The following MYH1 variants were observed in gnomAD, a reference collection of about 807,000 sequenced individuals.
MYH1 encodes myosin heavy chain 1.
In MYH1, 214 loss-of-function variants were observed where a neutral mutation model predicts 225.6. The ratio of observed to expected loss-of-function variants is 0.95; its 90% CI spans 0.85 to 1.06. MYH1 has a LOEUF of 1.06. Among genes scored for constraint, MYH1 ranks in the 50% least tolerant of loss-of-function variants. MYH1 has a pLI of 0.00. For synonymous variants in MYH1, 774 were observed against 842.3 expected, an observed-to-expected ratio of 0.92 and a Z score of 1.40; for missense variants, 2,098 against 2,344.2, an observed-to-expected ratio of 0.89 and a Z score of 2.17.
In MYH1 at chr17:10,507,805, G is replaced by C. The variant is rs113714146; in HGVS notation, c.1968+81C>G. The C allele has an allele frequency of 3.9e-5, 46 of 1,165,524 alleles. No homozygotes were observed. The African/African-American group carries it at 6.1e-4, about 16-fold the overall frequency. 72.2% of individuals were successfully genotyped at this position (1,165,524 alleles called of 1,614,324 possible). On this transcript the variant is annotated intron_variant, in intron 17 of 39. Transcript: ENST00000226207. ...GAGTCACATCAGTTCTAGAATCCTT[G>C]CAAGGTTAGTTTTTTCCCCCACACC...
Position 10,495,225 on chromosome 17 carries a change from A to C in MYH1, c.5262T>G (p.Asn1754Lys). The C allele has an allele frequency of 1.2e-6, 2 of 1,614,154 alleles. No homozygotes were observed. Among genetic ancestry groups the C allele is most frequent in the Non-Finnish European group, 1.7e-6 (2 of 1,180,036 alleles). Reference sequence around the variant, plus strand: ...TGGCCTTCTTGGCCTTCTCTTCTGCATTGCGGGCTTCCTGGATGATGTCTT... The same window carrying C: ...TGGCCTTCTTGGCCTTCTCTTCTGCCTTGCGGGCTTCCTGGATGATGTCTT... ...EMEDIIQEAR[N>K]AEEKAKKAIT... is the part of the protein sequence containing the mutation. The change falls in exon 36 of 40, where the codon AAT becomes AAG. Residue 1754 changes from asparagine to lysine, a missense_variant. Physicochemically the swap from Asn to Lys is moderately conservative, Grantham distance 94. Coordinates refer to ENST00000226207, the MANE Select transcript of MYH1 (RefSeq NM_005963.4).
rs2073099354 is a variant in MYH1 at position 10,505,281 on chromosome 17, G to A, written c.2317C>T (p.Leu773Phe). The change falls in exon 21 of 40, where the codon CTT becomes TTT. Residue 773 changes from leucine to phenylalanine, a missense_variant. Physicochemically the swap from Leu to Phe is conservative, Grantham distance 22. Transcript: ENST00000226207. ...GHTKVFFKAG[L>F]LGLLEEMRDE... ...CGCATCTCCTCTAGGAGCCCCAGAA[G>A]ACCAGCTTTGAAAAAGACCTATGTG... 1 of 1,614,190 alleles carries A rather than the reference G, an allele frequency of 6.2e-7. No individual in the cohort carries two copies. The highest frequency in any genetic ancestry group is 2.2e-5 in the East Asian group (1 of 44,886).
intron 28 of MYH1, among the ~76,000 whole-genome samples, chr17:10,499,680 A>G (rs1567716636): frequency 6.6e-6 from 1 of 152,216 alleles, no homozygotes. Flanking sequence ...ATAATGCAGA[A>G]AATGCACTAC....
chr17:10,495,760 CAAA>C (rs3050883), intron 35 of MYH1, among the ~76,000 whole-genome samples, 187 bp downstream of exon 35: 1 of 42,140 alleles, frequency 2.4e-5, no homozygotes, highest in Non-Finnish European at 4.4e-5. Flanking sequence ...GACTCCGTCT[CAAA>C]AAAAAAAAAA....
intron 14 of MYH1, among the ~76,000 whole-genome samples, chr17:10,511,165 C>T (rs2073167257): frequency 6.6e-6 from 1 of 151,316 alleles, no homozygotes; most frequent in African/African-American, 2.4e-5. Context: ...GAATTGGGAC[C>T]TCTAAATGAG....
rs1219010713 is a variant in MYH1 at position 10,505,310 on chromosome 17, G to C, written c.2299-11C>G. On this transcript the variant is annotated splice_polypyrimidine_tract_variant and intron_variant, in intron 20 of 39. Transcript: ENST00000226207. ...AGCTTTGAAAAAGACCTATGTGTGG[G>C]AAGAATTTCAGATCAGAAAATTTAC... 3.1e-6 allele frequency: 5 copies of C among 1,614,068 alleles called. No individual in the cohort carries two copies. Among genetic ancestry groups the C allele is most frequent in the Non-Finnish European group, 4.2e-6 (5 of 1,180,048 alleles).
At chr17:10,492,979 T>C (rs2072950907) in intron 39 of MYH1, among the ~76,000 whole-genome samples, 1 of 152,196 alleles carries the variant, frequency 6.6e-6, no homozygotes, top group Non-Finnish European at 1.5e-5. Context: ...CATGTGAGTA[T>C]AAATTATTGC....
Position 10,508,362 on chromosome 17 carries a change from C to T in MYH1, c.1897+1G>A, listed in dbSNP as rs1260254627. On this transcript the variant is annotated splice_donor_variant, in intron 16 of 39. Transcript: ENST00000226207. LOFTEE classifies it high-confidence loss of function. ...AAAAGATTAATTATATTGATAATTACCTGCTTCCGCTCCCGTTGCCCCAAC... is the reference window on the plus strand; with the variant it reads ...AAAAGATTAATTATATTGATAATTATCTGCTTCCGCTCCCGTTGCCCCAAC... The T allele has an allele frequency of 1.9e-6, 3 of 1,593,590 alleles. No individual in the cohort carries two copies. The highest frequency in any genetic ancestry group is 1.1e-5 in the South Asian group (1 of 88,000).
At chr17:10,510,171 G>T (rs2073157488) in intron 14 of MYH1, among the ~76,000 whole-genome samples, 1 of 151,830 alleles carries the variant, frequency 6.6e-6, no homozygotes, top group African/African-American at 2.4e-5. Flanking sequence ...AAAGTTGTTT[G>T]GTTTTTATAG....
chr17:10,497,646 C>G (rs723903), intron 31 of MYH1, 88 bp downstream of exon 31: 828,343 of 1,558,078 alleles, frequency 0.53, 231,430 homozygotes, highest in Non-Finnish European at 0.59. Flanking sequence ...TGAGAACAGC[C>G]CTCAGATGGT....
chr17:10,507,935 C>T lies in MYH1; in HGVS notation c.1919G>A (p.Gly640Asp). The change falls in exon 17 of 40, where the codon GGT becomes GAT. Residue 640 changes from glycine (G) to aspartate (D), a missense_variant. Transcript: ENST00000226207. ...AEAEAGGGKK[G>D]GKKKGSSFQT... The stretch of plus-strand genomic sequence containing the variant: ...GAAAGAAGAACCCTTCTTCTTACCA[C>T]CTTTCTTTCCACCGCCAGCCTCTGA... 6.2e-7 allele frequency: 1 copy of T among 1,613,762 alleles called. No homozygotes were observed. The highest frequency in any genetic ancestry group is 8.5e-7 in the Non-Finnish European group (1 of 1,179,838).
intron 35 of MYH1, among the ~76,000 whole-genome samples, 190 bp downstream of exon 35, chr17:10,495,760 C>CAAAAAA (rs3050883): frequency 1.2e-4 from 5 of 42,166 alleles, no homozygotes; most frequent in African/African-American, 1.5e-4. Flanking sequence ...GACTCCGTCT[C>CAAAAAA]AAAAAAAAAA....
Position 10,501,201 on chromosome 17 carries a change from C to G in MYH1, c.3647G>C (p.Arg1216Pro). 6.2e-7 allele frequency: 1 copy of G among 1,614,150 alleles called. No homozygotes were observed. Among genetic ancestry groups the G allele is most frequent in the Non-Finnish European group, 8.5e-7 (1 of 1,180,002 alleles). ...ELGEQIDNLQ[R>P]VKQKLEKEKS... Reference sequence around the variant, plus strand: ...CTCCTTCTCCAGCTTCTGCTTCACTCGCTGCAGGTTGTCAATCTGCTCCCC... The same window carrying G: ...CTCCTTCTCCAGCTTCTGCTTCACTGGCTGCAGGTTGTCAATCTGCTCCCC... The change falls in exon 27 of 40, where the codon CGA (arginine) becomes CCA (proline). Residue 1216 changes from arginine to proline, a missense_variant. Arg to Pro is a moderately radical substitution (Grantham distance 103, BLOSUM62 -2). Coordinates refer to ENST00000226207, the MANE Select transcript of MYH1 (RefSeq NM_005963.4).
Position 10,508,599 on chromosome 17 carries a change from TTG to T in MYH1, c.1659_1660del (p.Asn553LysfsTer4), listed in dbSNP as rs769267550. 2.9e-4 allele frequency: 461 copies of T among 1,614,248 alleles called. 3 individuals carry two copies. The Admixed American group carries it at 7.5e-3, about 26-fold the overall frequency. On this transcript the variant is annotated frameshift_variant, in exon 16 of 40. Transcript: ENST00000226207. LOFTEE classifies it high-confidence loss of function. ...TTTTCCAAGATGTTGTTCATACAGC[TTG>T]TTCTTGAAGGAGGTGTCTGTCGCCT...
intron 31 of MYH1, 122 bp from the exon 32 acceptor site, chr17:10,497,574 G>A (rs2073009905): frequency 2.0e-6 from 3 of 1,483,066 alleles, no homozygotes; most frequent in Non-Finnish European, 2.7e-6. Context: ...TGAATGAGAA[G>A]AATAGAAACC....
rs1354857760 is a variant in MYH1, at chr17:10,505,889, A to T, written c.2097T>A (p.Cys699Ter). The T allele has an allele frequency of 1.9e-6, 3 of 1,614,162 alleles. No individual in the cohort carries two copies. In the East Asian group the frequency reaches 6.7e-5, roughly 36 times the overall value. ...EHELVLHQLRCNGVLEGIRIC... is the reference protein window; with the variant it reads ...EHELVLHQLR ...TGCGGATGCCTTCCAGCACACCGTT[A>T]CACCTCAGCTGATGCAGGACAAGCT... Residue 699 changes from cysteine to a stop codon, truncating the protein, a stop_gained, in exon 19 of 40, where the codon TGT becomes TGA. Transcript: ENST00000226207. LOFTEE classifies it high-confidence loss of function.
Position 10,514,461 on chromosome 17 carries a change from C to T in MYH1, c.534-337G>A, listed in dbSNP as rs141634378. ...CTCTATGAAACGTGCATGTGTTTTT[C>T]CATTTCCTCGGACTAGAGACATGGC... On this transcript the variant is annotated intron_variant, in intron 6 of 39. Transcript: ENST00000226207. Among the ~76,000 whole-genome samples the T allele has an allele frequency of 2.1e-3, 320 of 152,234 alleles. 1 individual carries two copies. Among genetic ancestry groups the T allele is most frequent in the African/African-American group, 7.4e-3 (309 of 41,542 alleles).
rs1452847373 is a variant in MYH1, at chr17:10,499,060, T to C, written c.3898A>G (p.Thr1300Ala). ...CCCCTCGAGAGCTGTGAAACTAGTG[T>C]GTCCTTTTCATCTAGCTGGCGTGAA... Reference protein sequence around the residue: ...EYSRQLDEKDTLVSQLSRGKQ... With the variant: ...EYSRQLDEKDALVSQLSRGKQ... The change falls in exon 29 of 40, where the codon ACA becomes GCA. Residue 1300 changes from threonine (T) to alanine (A), a missense_variant. Thr to Ala is a moderately conservative substitution (Grantham distance 58). Coordinates refer to ENST00000226207, the MANE Select transcript of MYH1 (RefSeq NM_005963.4). 7 of 1,614,028 alleles carry C rather than the reference T, an allele frequency of 4.3e-6. No individual in the cohort carries two copies. The highest frequency in any genetic ancestry group is 5.9e-6 in the Non-Finnish European group (7 of 1,180,006).
intron 14 of MYH1, among the ~76,000 whole-genome samples, chr17:10,510,870 A>T (rs2073163882): frequency 6.6e-6 from 1 of 152,102 alleles, no homozygotes; most frequent in South Asian, 2.1e-4. Context: ...CTGTGAATAT[A>T]CTAAAAACCA....
Sources: allele counts gnomAD v4.1 joint callset (sites outside exome capture counted in the v4.1 genomes callset), GRCh38; gene constraint gnomAD v4.1.1; transcripts MANE v1.5; gene names NCBI Gene and HGNC (gene_info 2026-07-23, HGNC 2026-07-21).